RGS7: variants seen among roughly 807,000 people sequenced by gnomAD.
The protein encoded by RGS7 is regulator of G protein signaling 7, also known as regulator of G-protein signaling 7.
A neutral mutation model predicts 81.1 loss-of-function variants in RGS7; 27 were observed. The ratio of observed to expected loss-of-function variants is 0.33; its 90% CI spans 0.25 to 0.46. The LOEUF (loss-of-function observed/expected upper bound fraction) is 0.46. Ranked by LOEUF, RGS7 falls within the 20% of genes least tolerant of loss-of-function variation. RGS7 has a pLI of 1.00. For missense variants in RGS7, 396 were observed against 607.4 expected (o/e 0.65, Z 3.66); for synonymous variants, 208 against 207.7 (o/e 1.00, Z -0.01).
rs142945625 is a variant in RGS7, at chr1:241,175,177, C to T, written c.79-76415G>A. 4.2e-3 allele frequency among the ~76,000 whole-genome samples: 637 copies of T among 152,136 alleles called. 4 individuals are homozygous for T. Among genetic ancestry groups the T allele is most frequent in the African/African-American group, 0.014 (599 of 41,490 alleles). ...TTGGCCTCTCAAAGTGCTGGGATTA[C>T]AGGTATGAGCCACTATTCCTGGCTC... On this transcript the variant is annotated intron_variant, in intron 2 of 18. Coordinates refer to ENST00000440928, the MANE Select transcript of RGS7 (RefSeq NM_001364886.1).
Position 241,171,045 on chromosome 1 carries a change from T to G in RGS7, c.79-72283A>C, listed in dbSNP as rs181443646. ...TAAACTTTAATCATCAGGAAAAAAATTATTGCTTTGCTGCACACTTTGTGA... is the reference window on the plus strand; with the variant it reads ...TAAACTTTAATCATCAGGAAAAAAAGTATTGCTTTGCTGCACACTTTGTGA... On this transcript the variant is annotated intron_variant, in intron 2 of 18. Transcript: ENST00000440928. 1.4e-4 allele frequency among the ~76,000 whole-genome samples: 22 copies of G among 152,226 alleles called. No homozygotes were observed. In the South Asian group the frequency reaches 2.3e-3, roughly 16 times the overall value.
chr1:241,319,721 A>G (rs1332693152), intron 2 of RGS7, among the ~76,000 whole-genome samples: 1 of 152,200 alleles, frequency 6.6e-6, no homozygotes, highest in Non-Finnish European at 1.5e-5. Context: ...ATAAATTTTA[A>G]AAAGATAACA....
At chr1:241,211,242 G>A (rs2815869) in intron 2 of RGS7, among the ~76,000 whole-genome samples, 43,050 of 151,990 alleles carry the variant, frequency 0.28, 6,519 homozygotes, top group African/African-American at 0.4. Flanking sequence ...CTGAGATGGC[G>A]CCATTGCACT....
chr1:241,332,389 A>G (rs563837689), intron 2 of RGS7, among the ~76,000 whole-genome samples: 1 of 152,344 alleles, frequency 6.6e-6, no homozygotes, highest in Non-Finnish European at 1.5e-5. Flanking sequence ...AGAAATGTAC[A>G]TTAGAACCAT....
chr1:241,354,748 C>A (rs779788733), intron 2 of RGS7, among the ~76,000 whole-genome samples: 1 of 152,154 alleles, frequency 6.6e-6, no homozygotes, highest in Non-Finnish European at 1.5e-5. Flanking sequence ...AAGCCTTTAA[C>A]AATTTTGGGG....
intron 3 of RGS7, among the ~76,000 whole-genome samples, chr1:241,008,064 T>C (rs970071044): frequency 6.6e-6 from 1 of 152,126 alleles, no homozygotes; most frequent in Non-Finnish European, 1.5e-5. Flanking sequence ...ACCTCAAATA[T>C]ACAGATATGG....
At chr1:241,253,300 AG>A (rs911363435) in intron 2 of RGS7, among the ~76,000 whole-genome samples, 45 of 152,328 alleles carry the variant, frequency 3.0e-4, no homozygotes, top group African/African-American at 1.0e-3. Flanking sequence ...GAGAAATAAA[AG>A]CCAGTGGGGA....
chr1:241,292,823 A>G (rs1558281691), intron 2 of RGS7, among the ~76,000 whole-genome samples: 1 of 152,226 alleles, frequency 6.6e-6, no homozygotes, highest in Non-Finnish European at 1.5e-5. Flanking sequence ...AAAAGATAGC[A>G]CAGAAACAAT....
intron 2 of RGS7, among the ~76,000 whole-genome samples, chr1:241,294,462 A>T (rs10926456): frequency 0.17 from 25,195 of 152,238 alleles, 2,325 homozygotes; most frequent in African/African-American, 0.23. Flanking sequence ...AAATAATTTT[A>T]AAAAATGTAA....
At chr1:240,915,064 GT>G (rs1258228857) in intron 6 of RGS7, among the ~76,000 whole-genome samples, 1 of 152,164 alleles carries the variant, frequency 6.6e-6, no homozygotes, top group Non-Finnish European at 1.5e-5. Flanking sequence ...GCCCTACTAG[GT>G]TTGCACAATG....
At chr1:240,992,330 G>A (rs954149641) in intron 3 of RGS7, among the ~76,000 whole-genome samples, 7 of 152,110 alleles carry the variant, frequency 4.6e-5, no homozygotes, top group East Asian at 3.9e-4. Flanking sequence ...GCTGAACCTC[G>A]TCTCTACTAT....
chr1:240,847,232 C>T (rs1197184871), intron 9 of RGS7, among the ~76,000 whole-genome samples: 1 of 152,222 alleles, frequency 6.6e-6, no homozygotes, highest in Non-Finnish European at 1.5e-5. Context: ...ATAACTTCAG[C>T]TACCAATTAC....
At chr1:241,224,058 T>A (rs2075166888) in intron 2 of RGS7, among the ~76,000 whole-genome samples, 1 of 130,158 alleles carries the variant, frequency 7.7e-6, no homozygotes, top group South Asian at 2.4e-4. Flanking sequence ...GGTTGACTGG[T>A]GACCAATATA....
chr1:240,782,292 A>C (rs2102971999), intron 18 of RGS7, among the ~76,000 whole-genome samples: 1 of 152,306 alleles, frequency 6.6e-6, no homozygotes, highest in East Asian at 1.9e-4. Context: ...GTGGTACGGT[A>C]TTTGCATGTC....
At chr1:240,903,651 C>G (rs1413102020) in intron 6 of RGS7, among the ~76,000 whole-genome samples, 1 of 152,100 alleles carries the variant, frequency 6.6e-6, no homozygotes, top group African/African-American at 2.4e-5. Context: ...ATATCTGACC[C>G]CTCCAAGCCT....
At chr1:241,232,212 T>TCTCTC (rs1183118927) in intron 2 of RGS7, among the ~76,000 whole-genome samples, 1 of 108,002 alleles carries the variant, frequency 9.3e-6, no homozygotes, top group Non-Finnish European at 1.9e-5. Flanking sequence ...CTCTCTCTCT[T>TCTCTC]TCTCTCTCTC....
At chr1:240,827,211 G>A in intron 9 of RGS7, 39 bp from the exon 10 acceptor site, 1 of 1,527,076 alleles carries the variant, frequency 6.5e-7, no homozygotes, top group Non-Finnish European at 9.1e-7. Flanking sequence ...GAATCTTTGG[G>A]TGTGAAATTT....
intron 9 of RGS7, among the ~76,000 whole-genome samples, chr1:240,835,049 G>A (rs911246065): frequency 6.6e-6 from 1 of 151,996 alleles, no homozygotes; most frequent in African/African-American, 2.4e-5. Context: ...CTTGAGTTGG[G>A]TGATGACTTT....
intron 2 of RGS7, chr1:241,186,523 A>ATT (rs1226943606): frequency 4.9e-4 from 136 of 277,756 alleles, no homozygotes; most frequent in African/African-American, 1.5e-3. Context: ...ATATATATAT[A>ATT]TTTTTTTTTT....
Sources: allele counts gnomAD v4.1 joint callset (sites outside exome capture counted in the v4.1 genomes callset), GRCh38; gene constraint gnomAD v4.1.1; transcripts MANE v1.5; gene names NCBI Gene and HGNC (gene_info 2026-07-23, HGNC 2026-07-21).